TCF7L2: variants seen among roughly 807,000 people sequenced by gnomAD.
TCF7L2 encodes the protein transcription factor 7-like 2.
Under a neutral mutation model 77.9 loss-of-function variants are expected in TCF7L2, and 23 were observed. The ratio of observed to expected loss-of-function variants is 0.30; its 90% confidence interval spans 0.21 to 0.42. TCF7L2 has a LOEUF of 0.42. Ranked by LOEUF, TCF7L2 falls within the 10% of genes least tolerant of loss-of-function variation. The pLI is 1.00. For missense variants in TCF7L2, 654 were observed against 793.1 expected (o/e 0.82, Z 2.11); for synonymous variants, 413 against 340.2 (o/e 1.21, Z -2.36).
intron 4 of TCF7L2, among the ~76,000 whole-genome samples, chr10:113,020,595 C>T (rs1181493070): frequency 1.3e-5 from 2 of 152,176 alleles, no homozygotes; most frequent in South Asian, 2.1e-4. Context: ...GGTGCAGAGG[C>T]GGGGTGCATT....
At chr10:113,012,929 C>G (rs1459813261) in intron 4 of TCF7L2, among the ~76,000 whole-genome samples, 1 of 152,162 alleles carries the variant, frequency 6.6e-6, no homozygotes, top group Non-Finnish European at 1.5e-5. Context: ...TTCTGTTACT[C>G]TACGCGTGTT....
At chr10:113,060,438 C>T (rs933822683) in intron 5 of TCF7L2, among the ~76,000 whole-genome samples, 2 of 152,030 alleles carry the variant, frequency 1.3e-5, no homozygotes, top group African/African-American at 2.4e-5. Context: ...CGAATGCACT[C>T]GAGTTGTTTG....
At chr10:113,089,494 A>G in intron 5 of TCF7L2, 1 of 1,613,882 alleles carries the variant, frequency 6.2e-7, no homozygotes, top group Non-Finnish European at 8.5e-7. Flanking sequence ...AGGGACATGA[A>G]AAGGAGCCAC....
At chr10:113,043,659 A>G (rs1334133728) in intron 5 of TCF7L2, among the ~76,000 whole-genome samples, 1 of 151,976 alleles carries the variant, frequency 6.6e-6, no homozygotes, top group Non-Finnish European at 1.5e-5. Flanking sequence ...GACATTAGCC[A>G]CAAGTTCCAA....
Position 113,064,177 on chromosome 10 carries a change from C to G in TCF7L2, c.552+24051C>G, listed in dbSNP as rs149148229. 3.8e-3 allele frequency among the ~76,000 whole-genome samples: 572 copies of G among 152,282 alleles called. 3 individuals are homozygous for G. Among genetic ancestry groups the G allele is most frequent in the African/African-American group, 0.013 (547 of 41,564 alleles). The stretch of plus-strand genomic sequence containing the variant: ...GCTTCCAATCAGGCATCACAATTTT[C>G]TTGCTTGAGGTGTTTATTCTTTCAC... On this transcript the variant is annotated intron_variant, in intron 5 of 13. Coordinates refer to ENST00000627217, the MANE Select transcript of TCF7L2 (RefSeq NM_001146274.2).
At chr10:113,026,128 C>G (rs2049112020) in intron 4 of TCF7L2, among the ~76,000 whole-genome samples, 1 of 152,016 alleles carries the variant, frequency 6.6e-6, no homozygotes, top group Non-Finnish European at 1.5e-5. Flanking sequence ...ATCTAACCAC[C>G]TCGGCCTCCA....
chr10:113,077,534 A>G (rs1034642686), intron 5 of TCF7L2, among the ~76,000 whole-genome samples: 1 of 151,938 alleles, frequency 6.6e-6, no homozygotes, highest in Admixed American at 6.6e-5. Context: ...GCAACTGTCA[A>G]TCTACTTTCT....
chr10:113,053,921 G>A (rs775895132), intron 5 of TCF7L2, among the ~76,000 whole-genome samples: 9 of 152,206 alleles, frequency 5.9e-5, no homozygotes, highest in Non-Finnish European at 1.2e-4. Flanking sequence ...GCTGGAAGTT[G>A]AACCCAAGGA....
At chr10:113,090,966 A>G (rs980825105) in intron 5 of TCF7L2, among the ~76,000 whole-genome samples, 12 of 151,442 alleles carry the variant, frequency 7.9e-5, no homozygotes, top group Non-Finnish European at 1.3e-4. Context: ...GGAGTGTGTG[A>G]TCTTGGCTCA....
At chr10:112,975,179 A>G (rs1441494316) in intron 4 of TCF7L2, among the ~76,000 whole-genome samples, 1 of 152,208 alleles carries the variant, frequency 6.6e-6, no homozygotes, top group Non-Finnish European at 1.5e-5. Context: ...CTATATTTAT[A>G]TGTTATAAAA....
chr10:113,034,640 A>G (rs1247171566), intron 4 of TCF7L2, among the ~76,000 whole-genome samples: 1 of 152,218 alleles, frequency 6.6e-6, no homozygotes, highest in African/African-American at 2.4e-5. Flanking sequence ...TCCCACCTGT[A>G]ATCCCAGCAC....
chr10:112,958,653 C>G (rs2034296118), intron 3 of TCF7L2, among the ~76,000 whole-genome samples: 2 of 151,594 alleles, frequency 1.3e-5, no homozygotes. Context: ...TAACTAGATT[C>G]CTTCGTGCTG....
chr10:113,166,772 T>A lies in TCF7L2; in HGVS notation c.*800T>A. ...ATAACAACTCATTTGTACAAGGTTT[T>A]TAAGTTTATATATAAAATGTGTATA... is the stretch of plus-strand genomic sequence containing the variant. On this transcript the variant is annotated 3_prime_UTR_variant, in exon 14 of 14. Coordinates refer to ENST00000627217, the MANE Select transcript of TCF7L2 (RefSeq NM_001146274.2). The A allele has an allele frequency of 4.4e-6, 1 of 228,766 alleles. No homozygotes were observed. The highest frequency in any genetic ancestry group is 8.7e-6 in the Non-Finnish European group (1 of 115,290). 14.2% of individuals were successfully genotyped at this position (228,766 alleles called of 1,614,324 possible).
chr10:113,063,239 T>C (rs2056761230), intron 5 of TCF7L2, among the ~76,000 whole-genome samples: 1 of 152,096 alleles, frequency 6.6e-6, no homozygotes, highest in East Asian at 1.9e-4. Flanking sequence ...GAGTAGTGTT[T>C]GGGGTTGCAA....
intron 5 of TCF7L2, among the ~76,000 whole-genome samples, chr10:113,097,096 C>T (rs1394960618): frequency 6.6e-6 from 1 of 152,054 alleles, no homozygotes; most frequent in African/African-American, 2.4e-5. Context: ...GATCTACACA[C>T]AGGGCAGGTT....
intron 5 of TCF7L2, among the ~76,000 whole-genome samples, chr10:113,115,550 T>C (rs1308403029): frequency 6.6e-6 from 1 of 152,158 alleles, no homozygotes; most frequent in Non-Finnish European, 1.5e-5. Context: ...CCCATCCAAG[T>C]AGAATTTTGA....
At chr10:113,070,906 CA>C (rs1273743205) in intron 5 of TCF7L2, among the ~76,000 whole-genome samples, 3 of 152,176 alleles carry the variant, frequency 2.0e-5, no homozygotes, top group African/African-American at 7.2e-5. Context: ...TCACCTTCCA[CA>C]AAACCCCCGT....
chr10:113,002,711 CTCCTT>C (rs1197388016), intron 4 of TCF7L2, among the ~76,000 whole-genome samples: 1 of 152,116 alleles, frequency 6.6e-6, no homozygotes, highest in Non-Finnish European at 1.5e-5. Flanking sequence ...GGAAAAGAAT[CTCCTT>C]TCATTTGTCT....
intron 5 of TCF7L2, among the ~76,000 whole-genome samples, chr10:113,084,743 C>T (rs2059651285): frequency 6.6e-6 from 1 of 152,026 alleles, no homozygotes; most frequent in Admixed American, 6.6e-5. Flanking sequence ...AAAAAAAATA[C>T]AAACATTAGC....
Sources: gnomAD v4.1 joint callset for allele counts (sites outside exome capture counted in the v4.1 genomes callset) on GRCh38, gnomAD v4.1.1 for gene constraint, MANE v1.5 for transcripts, NCBI Gene and HGNC (gene_info 2026-07-23, HGNC 2026-07-21) for gene names.